Variants in CNTNAP2 observed in about 807,000 individuals in gnomAD.
CNTNAP2 encodes the protein contactin associated protein 2, also known as contactin-associated protein-like 2.
In CNTNAP2, 98 loss-of-function variants were observed where a neutral mutation model predicts 155.2. The observed-to-expected ratio is 0.63, with a 90% CI of 0.54 to 0.75. The LOEUF (loss-of-function observed/expected upper bound fraction) is 0.75, where lower values mean the gene tolerates loss of function less well. CNTNAP2 is among the 30% of genes least tolerant of loss of function. The pLI, the probability that CNTNAP2 is intolerant of heterozygous loss-of-function variation, is 0.00. For missense variants in CNTNAP2, 1,727 were observed against 1,688.1 expected, an observed-to-expected ratio of 1.02 and a Z score of -0.40; for synonymous variants, 651 against 631.2, an observed-to-expected ratio of 1.03 and a Z score of -0.47.
At chr7:147,002,769 T>G (rs561868629) in intron 3 of CNTNAP2, among the ~76,000 whole-genome samples, 1 of 151,896 alleles carries the variant, frequency 6.6e-6, no homozygotes, top group South Asian at 2.1e-4. Context: ...GAATCTAACT[T>G]GCTCTATTGG....
At chr7:148,382,068 C>T (rs1799073363) in intron 21 of CNTNAP2, among the ~76,000 whole-genome samples, 4 of 152,198 alleles carry the variant, frequency 2.6e-5, no homozygotes, top group Admixed American at 2.6e-4. Flanking sequence ...AGGGAGAAGG[C>T]ACAGAAAGGA....
chr7:147,819,666 C>G (rs1452571771), intron 13 of CNTNAP2, among the ~76,000 whole-genome samples: 1 of 152,116 alleles, frequency 6.6e-6, no homozygotes, highest in African/African-American at 2.4e-5. Context: ...TTTCATCAAC[C>G]TAGAAAATTC....
intron 1 of CNTNAP2, among the ~76,000 whole-genome samples, chr7:146,430,986 G>T (rs1476204472): frequency 1.3e-5 from 2 of 151,900 alleles, no homozygotes; most frequent in African/African-American, 4.8e-5. Context: ...ATTTCATAAG[G>T]CTCCTATATC....
intron 10 of CNTNAP2, among the ~76,000 whole-genome samples, chr7:147,468,162 G>A (rs146552040): frequency 3.8e-4 from 58 of 152,052 alleles, no homozygotes; most frequent in East Asian, 2.1e-3. Flanking sequence ...GTAGTGGCAC[G>A]TGCCTATAGT....
intron 1 of CNTNAP2, among the ~76,000 whole-genome samples, chr7:146,463,729 TA>T (rs1306169713): frequency 3.3e-5 from 5 of 152,090 alleles, no homozygotes; most frequent in Non-Finnish European, 7.4e-5. Flanking sequence ...TGTGTGTATA[TA>T]TATAGAGTAA....
intron 3 of CNTNAP2, among the ~76,000 whole-genome samples, chr7:146,956,502 T>A (rs1797440577): frequency 6.6e-6 from 1 of 152,168 alleles, no homozygotes; most frequent in Non-Finnish European, 1.5e-5. Context: ...TACAGCCAAG[T>A]GTACATTGCA....
chr7:146,868,329 A>C (rs924537012), intron 3 of CNTNAP2, among the ~76,000 whole-genome samples: 2 of 151,940 alleles, frequency 1.3e-5, no homozygotes, highest in Non-Finnish European at 2.9e-5. Context: ...ATGGTCGTAG[A>C]TGTGTGGGCT....
chr7:146,557,937 T>G (rs1428151449), intron 1 of CNTNAP2, among the ~76,000 whole-genome samples: 1 of 152,188 alleles, frequency 6.6e-6, no homozygotes, highest in Non-Finnish European at 1.5e-5. Context: ...ACAATCAAAT[T>G]CTACAACATT....
intron 8 of CNTNAP2, among the ~76,000 whole-genome samples, chr7:147,217,452 A>C (rs960812558): frequency 1.3e-5 from 2 of 151,998 alleles, no homozygotes; most frequent in Admixed American, 1.3e-4. Context: ...GATGGATTAC[A>C]TTAATTGATT....
intron 21 of CNTNAP2, among the ~76,000 whole-genome samples, chr7:148,316,345 A>G (rs1797689217): frequency 1.5e-5 from 1 of 67,248 alleles, no homozygotes; most frequent in South Asian, 9.1e-4. Context: ...TAATAAAAAT[A>G]TATTAAAAAA....
chr7:147,543,362 C>A (rs1584802109), intron 11 of CNTNAP2, among the ~76,000 whole-genome samples: 1 of 152,328 alleles, frequency 6.6e-6, no homozygotes, highest in South Asian at 2.1e-4. Flanking sequence ...AAACCCACAA[C>A]CTTCCAGCAT....
At chr7:147,902,780 G>T (rs935109406) in intron 13 of CNTNAP2, among the ~76,000 whole-genome samples, 51 of 85,234 alleles carry the variant, frequency 6.0e-4, no homozygotes, top group African/African-American at 2.0e-3. Flanking sequence ...ATATATGTTT[G>T]TGTGTGTGTG....
chr7:147,091,051 A>C (rs186082563), intron 4 of CNTNAP2, among the ~76,000 whole-genome samples: 2 of 152,176 alleles, frequency 1.3e-5, no homozygotes, highest in African/African-American at 4.8e-5. Flanking sequence ...GAAGGGAGAA[A>C]ATTAAAGTGA....
At chr7:147,564,328 C>A (rs918629807) in intron 12 of CNTNAP2, among the ~76,000 whole-genome samples, 1 of 152,020 alleles carries the variant, frequency 6.6e-6, no homozygotes, top group Non-Finnish European at 1.5e-5. Context: ...AACACACTTA[C>A]CAGAGAGATT....
At chr7:147,630,614 G>A (rs1322613003) in intron 12 of CNTNAP2, among the ~76,000 whole-genome samples, 1 of 152,090 alleles carries the variant, frequency 6.6e-6, no homozygotes, top group African/African-American at 2.4e-5. Context: ...ATATCAAAAA[G>A]ATAATACACC....
chr7:146,397,871 C>CTTTTTTTTTTTTTTTTTTTTTTTTTT (rs1438446898), intron 1 of CNTNAP2, among the ~76,000 whole-genome samples: 7 of 126,904 alleles, frequency 5.5e-5, no homozygotes, highest in African/African-American at 1.7e-4. Context: ...ATTTGACAGG[C>CTTTTTTTTTTTTTTTTTTTTTTTTTT]TTTTATTTAT....
intron 3 of CNTNAP2, among the ~76,000 whole-genome samples, chr7:147,042,834 A>T (rs1271992559): frequency 6.6e-6 from 1 of 152,170 alleles, no homozygotes; most frequent in Non-Finnish European, 1.5e-5. Flanking sequence ...ACCTCAAGTT[A>T]TCTATTATAG....
At chr7:148,234,415 G>A (rs1012121821) in intron 20 of CNTNAP2, among the ~76,000 whole-genome samples, 2 of 152,192 alleles carry the variant, frequency 1.3e-5, no homozygotes, top group Non-Finnish European at 2.9e-5. Flanking sequence ...TAAACCATAT[G>A]CTATGTACCC....
intron 15 of CNTNAP2, among the ~76,000 whole-genome samples, chr7:148,003,401 A>G (rs1274836838): frequency 6.6e-6 from 1 of 151,484 alleles, no homozygotes; most frequent in African/African-American, 2.4e-5. Flanking sequence ...TCATTTTAAC[A>G]TTAGAGGAAA....
Sources: gnomAD v4.1 joint callset for allele counts (sites outside exome capture counted in the v4.1 genomes callset) on GRCh38, gnomAD v4.1.1 for gene constraint, MANE v1.5 for transcripts, NCBI Gene and HGNC (gene_info 2026-07-23, HGNC 2026-07-21) for gene names.